Variants in NELL1 observed in about 807,000 individuals in gnomAD.
NELL1 encodes the protein neural EGFL like 1, also known as protein kinase C-binding protein NELL1.
A neutral mutation model predicts 107.4 loss-of-function variants in NELL1; 76 were observed. The ratio of observed to expected loss-of-function variants is 0.71; its 90% CI spans 0.59 to 0.86. NELL1 has a LOEUF of 0.86. Among genes scored for constraint, NELL1 ranks in the 40% least tolerant of loss-of-function variants. The probability of loss-of-function intolerance (pLI) is 0.00; values close to 1 mark genes in which losing one functional copy is unlikely to be tolerated. For synonymous variants in NELL1, 353 were observed against 341.2 expected (o/e 1.03, Z -0.38); for missense variants, 1,024 against 1,005.5 (o/e 1.02, Z -0.25).
At chr11:21,300,441 G>T (rs1463192092) in intron 14 of NELL1, among the ~76,000 whole-genome samples, 2 of 151,934 alleles carry the variant, frequency 1.3e-5, no homozygotes, top group Non-Finnish European at 1.5e-5. Context: ...TAGGACATGG[G>T]TTTTTTAATA....
chr11:20,695,488 GT>G (rs1482656824), intron 2 of NELL1, among the ~76,000 whole-genome samples: 1 of 152,004 alleles, frequency 6.6e-6, no homozygotes, highest in Non-Finnish European at 1.5e-5. Context: ...TTTCTTGAGG[GT>G]TTTTATCATA....
At chr11:21,436,377 G>T (rs1287262118) in intron 15 of NELL1, among the ~76,000 whole-genome samples, 1 of 151,974 alleles carries the variant, frequency 6.6e-6, no homozygotes, top group Non-Finnish European at 1.5e-5. Context: ...ATCTTGTTCA[G>T]TTACACATCC....
chr11:21,153,292 T>TA (rs770815161), intron 13 of NELL1, among the ~76,000 whole-genome samples: 21 of 152,102 alleles, frequency 1.4e-4, no homozygotes, highest in Non-Finnish European at 2.9e-4. Context: ...TGGGGCCTTG[T>TA]GTCTGAGTTA....
At chr11:20,852,976 A>G (rs1334387243) in intron 4 of NELL1, among the ~76,000 whole-genome samples, 4 of 152,220 alleles carry the variant, frequency 2.6e-5, no homozygotes, top group African/African-American at 9.6e-5. Context: ...GGGAGATCAC[A>G]GTAGGGGAAG....
In NELL1 at chr11:21,290,447, G is replaced by A. The variant is rs1475048604; in HGVS notation, c.1549+60993G>A. Among the ~76,000 whole-genome samples the A allele has an allele frequency of 2.9e-5, 4 of 137,404 alleles. No individual in the cohort carries two copies. The East Asian group carries it at 8.4e-4, about 29-fold the overall frequency. 90.1% of individuals were successfully genotyped at this position (137,404 alleles called of 152,430 possible). Reference sequence around the variant, plus strand: ...AATAAATAAATATTCCTTCCTGCTGGCTCTGAAGAGAGCAGTGGTTCTCCC... The same window carrying A: ...AATAAATAAATATTCCTTCCTGCTGACTCTGAAGAGAGCAGTGGTTCTCCC... On this transcript the variant is annotated intron_variant, in intron 14 of 19. Transcript: ENST00000357134.
Position 21,036,614 on chromosome 11 carries a change from C to T in NELL1, c.1300+76054C>T, listed in dbSNP as rs565993543. Among the ~76,000 whole-genome samples the T allele has an allele frequency of 2.0e-5, 3 of 152,170 alleles. No homozygotes were observed. In the South Asian group the frequency reaches 6.2e-4, roughly 32 times the overall value. On this transcript the variant is annotated intron_variant, in intron 12 of 19. Transcript: ENST00000357134. ...TTTGAAGTCTCTCAATCCTGATTTC[C>T]ACACTTTCCATTTTCCTCTGCTGCA...
At chr11:21,081,058 G>A (rs953350792) in intron 12 of NELL1, among the ~76,000 whole-genome samples, 2 of 151,928 alleles carry the variant, frequency 1.3e-5, no homozygotes, top group African/African-American at 4.8e-5. Flanking sequence ...TGGCTCTGTA[G>A]ATTGTTGTCA....
chr11:20,923,966 G>A (rs1438628825), intron 7 of NELL1, among the ~76,000 whole-genome samples: 4 of 152,134 alleles, frequency 2.6e-5, no homozygotes, highest in African/African-American at 4.8e-5. Context: ...TGATAAAAAA[G>A]GCCTCTGCTG....
At chr11:21,276,483 T>G (rs2133941629) in intron 14 of NELL1, among the ~76,000 whole-genome samples, 2 of 152,290 alleles carry the variant, frequency 1.3e-5, no homozygotes, top group Non-Finnish European at 2.9e-5. Context: ...CAAGGTAATT[T>G]ATAGATTCAG....
At chr11:21,041,377 A>T (rs909853333) in intron 12 of NELL1, among the ~76,000 whole-genome samples, 8 of 152,204 alleles carry the variant, frequency 5.3e-5, no homozygotes, top group African/African-American at 1.9e-4. Context: ...CATTCCATGG[A>T]TATTGAGTTC....
At chr11:21,419,021 G>A (rs569923533) in intron 15 of NELL1, among the ~76,000 whole-genome samples, 102 of 152,144 alleles carry the variant, frequency 6.7e-4, no homozygotes, top group African/African-American at 2.4e-3. Flanking sequence ...GGGTCTCTAC[G>A]CTCACCCACT....
chr11:21,424,668 C>G (rs371199709), intron 15 of NELL1, among the ~76,000 whole-genome samples: 1 of 151,874 alleles, frequency 6.6e-6, no homozygotes, highest in Non-Finnish European at 1.5e-5. Flanking sequence ...AAAATGAGTA[C>G]GGTATGCTAT....
At chr11:20,857,635 G>A (rs1739124489) in intron 4 of NELL1, among the ~76,000 whole-genome samples, 1 of 152,210 alleles carries the variant, frequency 6.6e-6, no homozygotes, top group Non-Finnish European at 1.5e-5. Context: ...TTGGATGGGT[G>A]TTTCTGACTG....
chr11:21,172,422 G>A (rs1856626458), intron 13 of NELL1, among the ~76,000 whole-genome samples: 1 of 151,838 alleles, frequency 6.6e-6, no homozygotes, highest in African/African-American at 2.4e-5. Flanking sequence ...ATGTGACTTT[G>A]CAGGGCTGAA....
intron 18 of NELL1, among the ~76,000 whole-genome samples, chr11:21,572,127 G>A (rs568430471): frequency 4.1e-4 from 62 of 151,878 alleles, no homozygotes; most frequent in African/African-American, 1.4e-3. Context: ...TACAACTGTA[G>A]AATTAGTTTC....
intron 15 of NELL1, among the ~76,000 whole-genome samples, chr11:21,492,854 C>A (rs1035243507): frequency 2.6e-5 from 4 of 151,772 alleles, no homozygotes; most frequent in Non-Finnish European, 4.4e-5. Context: ...ATGTAACTAA[C>A]GTGCACATTG....
At chr11:20,747,828 G>A (rs1590256188) in intron 2 of NELL1, among the ~76,000 whole-genome samples, 2 of 152,188 alleles carry the variant, frequency 1.3e-5, no homozygotes, top group Admixed American at 6.5e-5. Context: ...CTTGAGCATG[G>A]CAGCTGTGTA....
At chr11:20,769,469 T>A (rs1227252503) in intron 2 of NELL1, 5 of 152,118 alleles carry the variant, frequency 3.3e-5, no homozygotes, top group Non-Finnish European at 7.3e-5. Context: ...TAAGAGTGGG[T>A]GGTATTGGTC....
At chr11:21,316,116 A>G (rs1292044092) in intron 14 of NELL1, among the ~76,000 whole-genome samples, 6 of 152,204 alleles carry the variant, frequency 3.9e-5, no homozygotes, top group East Asian at 1.9e-4. Flanking sequence ...AATATCCTCA[A>G]TATGCCAGCT....
Sources: allele counts gnomAD v4.1 joint callset (sites outside exome capture counted in the v4.1 genomes callset), GRCh38; gene constraint gnomAD v4.1.1; transcripts MANE v1.5; gene names NCBI Gene and HGNC (gene_info 2026-07-23, HGNC 2026-07-21).